UBQLN1: variants seen among roughly 807,000 people sequenced by gnomAD.
UBQLN1 encodes the protein ubiquilin-1.
Under a neutral mutation model 65.4 loss-of-function variants are expected in UBQLN1, and 13 were observed. The observed-to-expected ratio is 0.20, with a 90% CI of 0.13 to 0.32. UBQLN1 has a LOEUF of 0.32. Among genes scored for constraint, UBQLN1 ranks in the 10% least tolerant of loss-of-function variants. The probability of loss-of-function intolerance (pLI) is 1.00; values close to 1 mark genes in which losing one functional copy is unlikely to be tolerated. For missense variants in UBQLN1, 561 were observed against 724.0 expected, an observed-to-expected ratio of 0.77 and a Z score of 2.58; for synonymous variants, 267 against 247.8, an observed-to-expected ratio of 1.08 and a Z score of -0.73.
At chr9:83,695,686 A>C (rs111705315) in intron 1 of UBQLN1, among the ~76,000 whole-genome samples, 7 of 152,348 alleles carry the variant, frequency 4.6e-5, no homozygotes, top group African/African-American at 1.7e-4. Flanking sequence ...TAAACCAGGC[A>C]GACTGTTGCC....
In UBQLN1 at chr9:83,683,001, G is replaced by A; in HGVS notation, c.398C>T (p.Pro133Leu). ...AGAACCAGATGTAGAGTTACTATTA[G>A]GAGTTGATGATGTAGTAACATTGCT... ...AGSNVTTSSTPNSNSTSGSAT... is the reference protein window; with the variant it reads ...AGSNVTTSSTLNSNSTSGSAT... The change falls in exon 3 of 11, where the codon CCT becomes CTT. Residue 133 changes from proline (P) to leucine (L), a missense_variant. Pro to Leu is a moderately conservative substitution (Grantham distance 98). Transcript: ENST00000376395. 6.2e-7 allele frequency: 1 copy of A among 1,612,572 alleles called. No homozygotes were observed. The highest frequency in any genetic ancestry group is 8.5e-7 in the Non-Finnish European group (1 of 1,179,654).
chr9:83,692,417 T>C (rs1407317548), intron 1 of UBQLN1, among the ~76,000 whole-genome samples: 2 of 152,210 alleles, frequency 1.3e-5, no homozygotes, highest in African/African-American at 4.8e-5. Context: ...ACTTTTATCA[T>C]ACAACAGCAG....
chr9:83,667,401 G>A (rs1305209557), intron 7 of UBQLN1: 29 of 658,844 alleles, frequency 4.4e-5, no homozygotes, highest in Middle Eastern at 7.6e-4. Context: ...GAAGTTAACC[G>A]TATTTAAGAG....
rs1224083704 is a variant in UBQLN1 at position 83,666,350 on chromosome 9, T to C, written c.1332A>G (p.Gln444=). 2.5e-6 allele frequency: 4 copies of C among 1,613,624 alleles called. No homozygotes were observed. The highest frequency in any genetic ancestry group is 2.5e-6 in the Non-Finnish European group (3 of 1,179,706). Reference sequence around the variant, plus strand: ...ATAGCTAACATCTTGTCTTACTCACTTGTTGGAGGAAAGTTGGGAGCTGTT... The same window carrying C: ...ATAGCTAACATCTTGTCTTACTCACCTGTTGGAGGAAAGTTGGGAGCTGTT... ...MRQQLPTFLQ[Q]MQNPDTLSAM... is the part of the protein sequence containing the mutation. The change falls in exon 8 of 11, where the codon CAA becomes CAG. Residue 444 remains glutamine (Q), a splice_region_variant and synonymous_variant. Coordinates refer to ENST00000376395, the MANE Select transcript of UBQLN1 (RefSeq NM_013438.5).
At chr9:83,705,691 A>G (rs1190990748) in intron 1 of UBQLN1, among the ~76,000 whole-genome samples, 1 of 152,218 alleles carries the variant, frequency 6.6e-6, no homozygotes, top group East Asian at 1.9e-4. Context: ...ATAGTAACTA[A>G]CTGCAAACAG....
chr9:83,681,308 C>T (rs1470513212), intron 3 of UBQLN1, among the ~76,000 whole-genome samples: 3 of 152,232 alleles, frequency 2.0e-5, no homozygotes, highest in Non-Finnish European at 4.4e-5. Context: ...TCAGTTCTCA[C>T]TTACTGAGCA....
In UBQLN1 at chr9:83,682,965, T is replaced by C; in HGVS notation, c.434A>G (p.Asn145Ser). 1 of 1,609,572 alleles carries C rather than the reference T, an allele frequency of 6.2e-7. No homozygotes were observed. The highest frequency in any genetic ancestry group is 8.5e-7 in the Non-Finnish European group (1 of 1,176,914). ...AAGACACTTACCTAAACCAAAAGGG[T>C]TGCTAGTAGCAGAACCAGATGTAGA... Reference protein sequence around the residue: ...SNSTSGSATSNPFGLGGLGGL... With the variant: ...SNSTSGSATSSPFGLGGLGGL... The change falls in exon 3 of 11, where the codon AAC (asparagine) becomes AGC (serine). Residue 145 changes from asparagine to serine, a missense_variant. This residue lies in a region of UBQLN1 where 87 missense variants were observed against 88.8 expected (regional missense o/e 0.98). Coordinates refer to ENST00000376395, the MANE Select transcript of UBQLN1 (RefSeq NM_013438.5).
At chr9:83,680,416 T>C (rs1451718535) in intron 3 of UBQLN1, among the ~76,000 whole-genome samples, 1 of 152,028 alleles carries the variant, frequency 6.6e-6, no homozygotes, top group Non-Finnish European at 1.5e-5. Context: ...CTTAGGCCCC[T>C]GGAAAGCCTC....
At chr9:83,691,410 T>C (rs901176301) in intron 1 of UBQLN1, among the ~76,000 whole-genome samples, 17 of 152,144 alleles carry the variant, frequency 1.1e-4, no homozygotes, top group African/African-American at 4.1e-4. Context: ...CAAAATCTAA[T>C]AGAACAGCAA....
At chr9:83,676,547 A>T (rs563782758) in intron 6 of UBQLN1, among the ~76,000 whole-genome samples, 2 of 152,330 alleles carry the variant, frequency 1.3e-5, no homozygotes, top group East Asian at 1.9e-4. Context: ...ATTTTTATTG[A>T]TTTAAAAATG....
intron 6 of UBQLN1, among the ~76,000 whole-genome samples, chr9:83,672,653 T>C (rs926182219): frequency 6.6e-6 from 1 of 152,210 alleles, no homozygotes; most frequent in African/African-American, 2.4e-5. Flanking sequence ...GATCACTGAT[T>C]ACAGAATCAC....
chr9:83,671,875 T>G (rs1175360801), intron 6 of UBQLN1, among the ~76,000 whole-genome samples: 3 of 152,198 alleles, frequency 2.0e-5, no homozygotes, highest in Non-Finnish European at 2.9e-5. Flanking sequence ...AGATGATATC[T>G]TCTTCCAATA....
rs201974454 is a variant in UBQLN1, at chr9:83,661,827, T to C, written c.1730A>G (p.Asn577Ser). 81 of 1,613,708 alleles carry C rather than the reference T, an allele frequency of 5.0e-5. No homozygotes were observed. Among genetic ancestry groups the C allele is most frequent in the Middle Eastern group, 1.7e-4 (1 of 6,056 alleles). Residue 577 changes from asparagine to serine, a missense_variant, in exon 11 of 11, where the codon AAT (asparagine) becomes AGT (serine). Coordinates refer to ENST00000376395, the MANE Select transcript of UBQLN1 (RefSeq NM_013438.5). Reference protein sequence around the residue: ...QALIATGGDINAAIERLLGSQ... With the variant: ...QALIATGGDISAAIERLLGSQ... The stretch of plus-strand genomic sequence containing the variant: ...GCCCAGTAACCTTTCAATAGCTGCA[T>C]TGATATCACCTCCTGTTGCTATTAG...
chr9:83,673,301 G>A (rs1831765609), intron 6 of UBQLN1, among the ~76,000 whole-genome samples: 1 of 151,742 alleles, frequency 6.6e-6, no homozygotes, highest in Non-Finnish European at 1.5e-5. Context: ...CACTTTGGGA[G>A]GCCAAGGCAG....
intron 7 of UBQLN1, chr9:83,668,142 A>G: frequency 1.0e-6 from 1 of 985,450 alleles, no homozygotes; most frequent in Non-Finnish European, 1.2e-6. Context: ...CTTCCATAAA[A>G]TGTACCTCCA....
At chr9:83,678,091 G>C in intron 5 of UBQLN1, 130 bp from the exon 6 acceptor site, 1 of 701,648 alleles carries the variant, frequency 1.4e-6, no homozygotes, top group Non-Finnish European at 2.3e-6. Flanking sequence ...GCGCGATCTC[G>C]GCTCACTGCA....
intron 1 of UBQLN1, among the ~76,000 whole-genome samples, chr9:83,688,588 G>A (rs1175686892): frequency 3.3e-5 from 5 of 151,938 alleles, no homozygotes; most frequent in Non-Finnish European, 5.9e-5. Context: ...ATCGGGCGGG[G>A]TGCAGTGGCT....
chr9:83,673,323 A>T (rs1831766252), intron 6 of UBQLN1, among the ~76,000 whole-genome samples: 1 of 150,744 alleles, frequency 6.6e-6, no homozygotes, highest in Admixed American at 6.6e-5. Flanking sequence ...CAGATCACCC[A>T]AGGTCGGGAG....
intron 2 of UBQLN1, among the ~76,000 whole-genome samples, chr9:83,683,269 G>T (rs1046828910): frequency 6.6e-6 from 1 of 152,026 alleles, no homozygotes; most frequent in African/African-American, 2.4e-5. Flanking sequence ...AAAATTAGCC[G>T]GGCGTGATGG....
Sources: gnomAD v4.1 joint callset for allele counts (sites outside exome capture counted in the v4.1 genomes callset) on GRCh38, gnomAD v4.1.1 for gene constraint, gnomAD v4.1.1 regional missense constraint, MANE v1.5 for transcripts, NCBI Gene and HGNC (gene_info 2026-07-23, HGNC 2026-07-21) for gene names.